ANGPT1: variants seen among roughly 807,000 people sequenced by gnomAD.
ANGPT1 encodes angiopoietin 1.
Under a neutral mutation model 62.2 loss-of-function variants are expected in ANGPT1, and 17 were observed. That is an observed-to-expected ratio of 0.27 (90% confidence interval 0.19 to 0.41). The LOEUF (loss-of-function observed/expected upper bound fraction) is 0.41. Among genes scored for constraint, ANGPT1 ranks in the 10% least tolerant of loss-of-function variants. The probability of loss-of-function intolerance (pLI) is 1.00; values close to 1 mark genes in which losing one functional copy is unlikely to be tolerated. For missense variants in ANGPT1, 478 were observed against 594.9 expected (o/e 0.80, Z 2.04); for synonymous variants, 199 against 198.9 (o/e 1.00, Z 0.00).
chr8:107,396,949 T>C (rs1586288007), intron 1 of ANGPT1, among the ~76,000 whole-genome samples: 1 of 152,098 alleles, frequency 6.6e-6, no homozygotes, highest in East Asian at 1.9e-4. Flanking sequence ...TTCTATCTAG[T>C]AGTGAGGATG....
chr8:107,484,784 G>A (rs142913627), intron 1 of ANGPT1, among the ~76,000 whole-genome samples: 295 of 152,238 alleles, frequency 1.9e-3, no homozygotes, highest in South Asian at 3.1e-3. Context: ...ATTTTGTGCC[G>A]AAAGCAACAG....
At chr8:107,458,295 A>G (rs1811977046) in intron 1 of ANGPT1, among the ~76,000 whole-genome samples, 2 of 152,146 alleles carry the variant, frequency 1.3e-5, no homozygotes, top group African/African-American at 4.8e-5. Flanking sequence ...CTATTTCTCT[A>G]TTGCAATGTG....
At chr8:107,484,295 C>T (rs936929556) in intron 1 of ANGPT1, among the ~76,000 whole-genome samples, 1 of 152,184 alleles carries the variant, frequency 6.6e-6, no homozygotes, top group Non-Finnish European at 1.5e-5. Flanking sequence ...GTTTCCTTAT[C>T]TGTAAAGTGG....
chr8:107,369,854 A>C (rs896867852), intron 1 of ANGPT1, among the ~76,000 whole-genome samples: 1 of 152,082 alleles, frequency 6.6e-6, no homozygotes, highest in African/African-American at 2.4e-5. Flanking sequence ...AATGATCTCA[A>C]AGATCACTGA....
intron 4 of ANGPT1, among the ~76,000 whole-genome samples, chr8:107,321,388 A>G (rs918726238): frequency 6.6e-6 from 1 of 152,122 alleles, no homozygotes; most frequent in Admixed American, 6.5e-5. Flanking sequence ...AATAACAATA[A>G]TCCTGCCTCA....
rs559761115 is a variant in ANGPT1 at position 107,295,348 on chromosome 8, T to C, written c.937-1311A>G. ...GTCCCCACCACCACTATTCCTTTAA[T>C]TTCTGCACCTGCTCTCAGTCAACAT... On this transcript the variant is annotated intron_variant, in intron 5 of 8. Coordinates refer to ENST00000517746, the MANE Select transcript of ANGPT1 (RefSeq NM_001146.5). 4 of 152,288 alleles carry C rather than the reference T, an allele frequency of 2.6e-5. No homozygotes were observed. In the South Asian group the frequency reaches 8.3e-4, roughly 32 times the overall value. 9.4% of individuals were successfully genotyped at this position (152,288 alleles called of 1,614,324 possible).
At chr8:107,402,841 C>A (rs1817071843) in intron 1 of ANGPT1, among the ~76,000 whole-genome samples, 1 of 152,138 alleles carries the variant, frequency 6.6e-6, no homozygotes, top group African/African-American at 2.4e-5. Context: ...TTATTCTAAT[C>A]TTTGAGCCAG....
intron 1 of ANGPT1, among the ~76,000 whole-genome samples, chr8:107,441,650 T>C (rs1214943440): frequency 1.3e-5 from 2 of 152,160 alleles, no homozygotes; most frequent in African/African-American, 2.4e-5. Flanking sequence ...GAACCTCAGT[T>C]TTCTTATGTG....
chr8:107,268,927 G>A (rs1270653609), intron 7 of ANGPT1, among the ~76,000 whole-genome samples: 1 of 152,084 alleles, frequency 6.6e-6, no homozygotes, highest in African/African-American at 2.4e-5. Flanking sequence ...TAATTTACAT[G>A]AAGTAGTATT....
At chr8:107,411,206 T>C (rs764083286) in intron 1 of ANGPT1, among the ~76,000 whole-genome samples, 3 of 152,308 alleles carry the variant, frequency 2.0e-5, no homozygotes, top group Middle Eastern at 6.8e-3. Flanking sequence ...ACTAAACTTA[T>C]AGATTTCAAT....
At chr8:107,460,546 C>T (rs1239877188) in intron 1 of ANGPT1, among the ~76,000 whole-genome samples, 1 of 152,142 alleles carries the variant, frequency 6.6e-6, no homozygotes, top group Non-Finnish European at 1.5e-5. Context: ...CTTGGTGTAA[C>T]TCTGCCACTG....
intron 2 of ANGPT1, among the ~76,000 whole-genome samples, chr8:107,341,625 C>A (rs1368756800): frequency 6.8e-6 from 1 of 147,314 alleles, no homozygotes; most frequent in East Asian, 1.9e-4. Flanking sequence ...TGGTAATACC[C>A]TCATTATATA....
chr8:107,483,747 A>C (rs1456872256), intron 1 of ANGPT1, among the ~76,000 whole-genome samples: 2 of 152,222 alleles, frequency 1.3e-5, no homozygotes, highest in Non-Finnish European at 2.9e-5. Context: ...TAAGAAATAC[A>C]ACCTAATACT....
At chr8:107,475,073 A>G (rs535436662) in intron 1 of ANGPT1, among the ~76,000 whole-genome samples, 235 of 152,252 alleles carry the variant, frequency 1.5e-3, no homozygotes, top group African/African-American at 5.5e-3. Flanking sequence ...TGACAGAATT[A>G]GACAAAAGTA....
intron 3 of ANGPT1, among the ~76,000 whole-genome samples, chr8:107,332,908 T>G (rs557040911): frequency 1.4e-4 from 22 of 152,326 alleles, no homozygotes; most frequent in African/African-American, 4.1e-4. Context: ...TTTGGAGGAT[T>G]AAGATTCATA....
chr8:107,276,575 G>C (rs1445671812), intron 7 of ANGPT1, among the ~76,000 whole-genome samples: 1 of 151,786 alleles, frequency 6.6e-6, no homozygotes, highest in Non-Finnish European at 1.5e-5. Context: ...CAATCCACAT[G>C]AATTTGTTTT....
At chr8:107,391,231 G>C (rs1424743016) in intron 1 of ANGPT1, among the ~76,000 whole-genome samples, 1 of 152,316 alleles carries the variant, frequency 6.6e-6, no homozygotes, top group Non-Finnish European at 1.5e-5. Flanking sequence ...TGAATCTTCT[G>C]GGTATGGGAG....
At chr8:107,369,487 T>A (rs904958250) in intron 1 of ANGPT1, among the ~76,000 whole-genome samples, 2 of 152,254 alleles carry the variant, frequency 1.3e-5, no homozygotes, top group African/African-American at 4.8e-5. Flanking sequence ...CAAGAACTTT[T>A]CTTTTGCATT....
intron 1 of ANGPT1, among the ~76,000 whole-genome samples, chr8:107,437,988 C>T (rs958146777): frequency 7.9e-5 from 12 of 152,230 alleles, no homozygotes; most frequent in Non-Finnish European, 1.2e-4. Flanking sequence ...GCTGGACCTG[C>T]GTGACTAGCA....
Sources: gnomAD v4.1 joint callset for allele counts (sites outside exome capture counted in the v4.1 genomes callset) on GRCh38, gnomAD v4.1.1 for gene constraint, MANE v1.5 for transcripts, NCBI Gene and HGNC (gene_info 2026-07-23, HGNC 2026-07-21) for gene names.